ITFG1: variants seen among roughly 807,000 people sequenced by gnomAD.
ITFG1 encodes the protein T-cell immunomodulatory protein.
In ITFG1, 34 loss-of-function variants were observed where a neutral mutation model predicts 81.8. The ratio of observed to expected loss-of-function variants is 0.42; its 90% confidence interval spans 0.32 to 0.55. ITFG1 has a LOEUF of 0.55. Ranked by LOEUF, ITFG1 falls within the 20% of genes least tolerant of loss-of-function variation. The pLI is 0.17. For missense variants in ITFG1, 672 were observed against 755.4 expected (o/e 0.89, Z 1.29); for synonymous variants, 285 against 270.6 (o/e 1.05, Z -0.52).
At chr16:47,317,532 C>A (rs1237915660) in intron 8 of ITFG1, 1 of 152,188 alleles carries the variant, frequency 6.6e-6, no homozygotes, top group African/African-American at 2.4e-5. Context: ...TTGTTAACCA[C>A]AATTTCTCTA....
At chr16:47,384,043 A>C (rs1386205567) in intron 6 of ITFG1, among the ~76,000 whole-genome samples, 1 of 152,238 alleles carries the variant, frequency 6.6e-6, no homozygotes, top group Non-Finnish European at 1.5e-5. Flanking sequence ...ATGGACTCCT[A>C]GTCATGGGGT....
intron 14 of ITFG1, among the ~76,000 whole-genome samples, chr16:47,182,313 T>A (rs1965136633): frequency 6.6e-6 from 1 of 150,772 alleles, no homozygotes; most frequent in African/African-American, 2.5e-5. Context: ...CCATTTTGGA[T>A]AAAATATGAG....
In ITFG1 at chr16:47,428,966, T is replaced by C. The variant is rs1160677816; in HGVS notation, c.561-68A>G. The C allele has an allele frequency of 1.4e-5, 12 of 862,312 alleles. No homozygotes were observed. The East Asian group carries it at 2.4e-4, about 17-fold the overall frequency. The allele number at this position is 862,312 out of a possible 1,614,324, so 53.4% of individuals were successfully genotyped here. On this transcript the variant is annotated intron_variant, in intron 5 of 17. Coordinates refer to ENST00000320640, the MANE Select transcript of ITFG1 (RefSeq NM_030790.5). Reference sequence around the variant, plus strand: ...AATGAGCATTATTTTAAAATAAAAATCTCTGCATGCAAAACACTTAAATTT... The same window carrying C: ...AATGAGCATTATTTTAAAATAAAAACCTCTGCATGCAAAACACTTAAATTT...
chr16:47,346,911 A>C (rs1258368581), intron 8 of ITFG1, among the ~76,000 whole-genome samples: 1 of 152,226 alleles, frequency 6.6e-6, no homozygotes, highest in East Asian at 1.9e-4. Context: ...TTATTCTACA[A>C]GAACAAAATT....
chr16:47,235,636 A>T (rs1173211726), intron 13 of ITFG1, among the ~76,000 whole-genome samples: 9 of 152,122 alleles, frequency 5.9e-5, no homozygotes. Context: ...ATCAGGTGTG[A>T]CAGAACACAT....
intron 6 of ITFG1, among the ~76,000 whole-genome samples, chr16:47,390,472 T>A (rs1193712020): frequency 6.6e-6 from 1 of 152,192 alleles, no homozygotes; most frequent in Non-Finnish European, 1.5e-5. Flanking sequence ...ATTTATTTAT[T>A]TATTGAGATA....
intron 10 of ITFG1, among the ~76,000 whole-genome samples, chr16:47,288,529 G>A (rs932508969): frequency 3.3e-5 from 5 of 152,072 alleles, no homozygotes; most frequent in Non-Finnish European, 5.9e-5. Flanking sequence ...CCTGTTTTCC[G>A]TAATGGCTGT....
chr16:47,363,668 C>T (rs1053626197), intron 8 of ITFG1, among the ~76,000 whole-genome samples: 7 of 152,064 alleles, frequency 4.6e-5, no homozygotes, highest in East Asian at 3.9e-4. Flanking sequence ...TTATTTCTTG[C>T]CATTGTTGAC....
chr16:47,289,507 T>C (rs1229803953), intron 10 of ITFG1, among the ~76,000 whole-genome samples: 2 of 152,188 alleles, frequency 1.3e-5, no homozygotes. Context: ...GGACATTTTA[T>C]TCAGGATTAA....
At chr16:47,436,797 T>C (rs949436080) in intron 5 of ITFG1, among the ~76,000 whole-genome samples, 1 of 152,200 alleles carries the variant, frequency 6.6e-6, no homozygotes, top group Non-Finnish European at 1.5e-5. Flanking sequence ...AGTAAGCAGC[T>C]GGAAAGCCCC....
At chr16:47,223,467 C>T (rs541792179) in intron 13 of ITFG1, among the ~76,000 whole-genome samples, 3 of 152,332 alleles carry the variant, frequency 2.0e-5, no homozygotes, top group South Asian at 4.1e-4. Context: ...TGGAAAAATG[C>T]TCACCATCAC....
At chr16:47,259,182 T>A (rs935722082) in intron 11 of ITFG1, among the ~76,000 whole-genome samples, 1 of 152,226 alleles carries the variant, frequency 6.6e-6, no homozygotes, top group African/African-American at 2.4e-5. Flanking sequence ...AAATTGATAT[T>A]CCTTTGATTC....
chr16:47,348,286 C>T (rs1967890579), intron 8 of ITFG1, among the ~76,000 whole-genome samples: 1 of 152,006 alleles, frequency 6.6e-6, no homozygotes, highest in South Asian at 2.1e-4. Context: ...AAGTTTGATC[C>T]CAACGCAAAG....
At position 47,397,123 on chromosome 16, in the gene ITFG1, C is replaced by G. The variant is rs1968603754; in HGVS notation, c.656-21183G>C. ...GGGGAGAAATAATTTGAAAGTGGTA[C>G]TGGGGATTAAAGTTGCTGATCTCTA... On this transcript the variant is annotated intron_variant, in intron 6 of 17. Transcript: ENST00000320640. Among the ~76,000 whole-genome samples the G allele has an allele frequency of 2.6e-5, 4 of 152,114 alleles. No individual in the cohort carries two copies. The South Asian group carries it at 8.3e-4, about 31-fold the overall frequency.
chr16:47,276,341 C>T (rs868665529), intron 10 of ITFG1, among the ~76,000 whole-genome samples: 5 of 152,034 alleles, frequency 3.3e-5, no homozygotes, highest in South Asian at 2.1e-4. Flanking sequence ...AAAGCTGTGT[C>T]GGAGTTTTAT....
intron 14 of ITFG1, among the ~76,000 whole-genome samples, chr16:47,178,546 C>G (rs898404468): frequency 1.3e-5 from 2 of 152,094 alleles, no homozygotes; most frequent in Non-Finnish European, 2.9e-5. Flanking sequence ...AAACTGCATC[C>G]CTTCCTTACA....
intron 2 of ITFG1, 80 bp from the exon 3 acceptor site, chr16:47,454,238 AT>A (rs1360296837): frequency 8.4e-7 from 1 of 1,188,650 alleles, no homozygotes; most frequent in East Asian, 2.4e-5. Flanking sequence ...ACACAAAAAT[AT>A]TTTCAATGAA....
At chr16:47,371,613 G>A (rs1364033472) in intron 7 of ITFG1, among the ~76,000 whole-genome samples, 1 of 152,166 alleles carries the variant, frequency 6.6e-6, no homozygotes, top group East Asian at 1.9e-4. Flanking sequence ...AACTGACCAT[G>A]AAGCAGTATG....
intron 14 of ITFG1, among the ~76,000 whole-genome samples, chr16:47,197,751 G>A (rs1965376263): frequency 6.6e-6 from 1 of 152,230 alleles, no homozygotes; most frequent in South Asian, 2.1e-4. Context: ...CTTGGAGCCA[G>A]GCAAGTGCCT....
Sources: allele counts gnomAD v4.1 joint callset (sites outside exome capture counted in the v4.1 genomes callset), GRCh38; gene constraint gnomAD v4.1.1; transcripts MANE v1.5; gene names NCBI Gene and HGNC (gene_info 2026-07-23, HGNC 2026-07-21).